Variants in MPV17 observed in about 807,000 individuals in gnomAD.
The protein encoded by MPV17 is mitochondrial inner membrane protein MPV17.
MPV17 carries 31 observed loss-of-function variants against 28.6 expected under a neutral mutation model. The observed-to-expected ratio is 1.08, with a 90% CI of 0.81 to 1.46. The LOEUF (loss-of-function observed/expected upper bound fraction) is 1.46. Among genes scored for constraint, MPV17 ranks in the 40% most tolerant of loss-of-function variants. MPV17 has a pLI of 0.00. For synonymous variants in MPV17, 87 were observed against 85.3 expected (o/e 1.02, Z -0.11); for missense variants, 198 against 216.2 (o/e 0.92, Z 0.53).
At position 27,309,578 on chromosome 2, in the gene MPV17, C is replaced by T. The variant is rs761887014; in HGVS notation, c.*334G>A. 1.9e-6 allele frequency: 1 copy of T among 539,346 alleles called. No individual in the cohort carries two copies. Among genetic ancestry groups the T allele is most frequent in the Non-Finnish European group, 3.3e-6 (1 of 301,112 alleles). 33.4% of individuals were successfully genotyped at this position (539,346 alleles called of 1,614,324 possible). A position where few individuals can be genotyped will look rare whatever the true frequency, so the allele number is the denominator to read the frequency against. ...TCTAAAGAGCTGGAGCTACAAGAAG[C>T]CTAGGCAGGGTTAGAGTAACAAATG... On this transcript the variant is annotated 3_prime_UTR_variant, in exon 8 of 8. Transcript: ENST00000380044.
intron 2 of MPV17, among the ~76,000 whole-genome samples, chr2:27,315,450 C>A (rs1181111987): frequency 6.6e-6 from 1 of 152,146 alleles, no homozygotes; most frequent in Non-Finnish European, 1.5e-5. Context: ...ATGAAGGGAC[C>A]AACAGTGTAA....
chr2:27,313,338 T>A (rs953759030), intron 2 of MPV17: 56 of 939,758 alleles, frequency 6.0e-5, no homozygotes, highest in Non-Finnish European at 8.7e-5. Flanking sequence ...CAGACCCAGG[T>A]CCAGGAACTT....
intron 5 of MPV17, 72 bp downstream of exon 5, chr2:27,312,422 G>A (rs1218232526): frequency 2.6e-6 from 4 of 1,544,898 alleles, no homozygotes; most frequent in Non-Finnish European, 3.6e-6. Context: ...TTTTATCCCT[G>A]TAAAACCTGT....
At chr2:27,318,479 T>G (rs1679739636) in intron 2 of MPV17, among the ~76,000 whole-genome samples, 1 of 151,974 alleles carries the variant, frequency 6.6e-6, no homozygotes, top group African/African-American at 2.4e-5. Flanking sequence ...TGCCTCAGCC[T>G]CCTGAGTAGC....
At chr2:27,310,929 G>C (rs565320507) in intron 7 of MPV17, 2 of 151,094 alleles carry the variant, frequency 1.3e-5, no homozygotes, top group East Asian at 4.0e-4. Flanking sequence ...ATTTTTAGTA[G>C]AGACAGGGTT....
At chr2:27,312,295 T>A in intron 5 of MPV17, 49 bp from the exon 6 acceptor site, 1 of 1,591,320 alleles carries the variant, frequency 6.3e-7, no homozygotes. Context: ...TCCAAGCAGC[T>A]CCCACTTCCC....
At position 27,309,655 on chromosome 2, in the gene MPV17, T is replaced by C; in HGVS notation, c.*257A>G. The C allele has an allele frequency of 3.3e-6, 2 of 605,128 alleles. No individual in the cohort carries two copies. Among genetic ancestry groups the C allele is most frequent in the Non-Finnish European group, 5.9e-6 (2 of 337,220 alleles). 37.5% of individuals were successfully genotyped at this position (605,128 alleles called of 1,614,324 possible). On this transcript the variant is annotated 3_prime_UTR_variant, in exon 8 of 8. Transcript: ENST00000380044. ...CATTTGCTGGGATATGGGTGTAAAG[T>C]TGATAAGGTCATGAAGGTTCAACAG...
Position 27,320,105 on chromosome 2 carries a change from C to T in MPV17, c.70+2343G>A, listed in dbSNP as rs1021678963. Among the ~76,000 whole-genome samples the T allele has an allele frequency of 3.4e-5, 5 of 148,260 alleles. No homozygotes were observed. In the East Asian group the frequency reaches 1.1e-3, roughly 31 times the overall value. On this transcript the variant is annotated intron_variant, in intron 2 of 7. Transcript: ENST00000380044. ...AGAAAAAATTAGCTGGGCGTGGTGG[C>T]GCATGCCTATAATCCCAGCTGCTGA... is the stretch of plus-strand genomic sequence containing the variant.
At chr2:27,316,441 C>A (rs1679655930) in intron 2 of MPV17, among the ~76,000 whole-genome samples, 1 of 152,010 alleles carries the variant, frequency 6.6e-6, no homozygotes, top group East Asian at 1.9e-4. Context: ...CCTGACGGTT[C>A]ATTTCAGAAG....
rs971188466 is a variant in MPV17, at chr2:27,309,708, G to A, written c.*204C>T. 12 of 644,148 alleles carry A rather than the reference G, an allele frequency of 1.9e-5. No individual in the cohort carries two copies. The highest frequency in any genetic ancestry group is 3.4e-5 in the Non-Finnish European group (12 of 350,014). 39.9% of individuals were successfully genotyped at this position (644,148 alleles called of 1,614,324 possible). On this transcript the variant is annotated 3_prime_UTR_variant, in exon 8 of 8. Coordinates refer to ENST00000380044, the MANE Select transcript of MPV17 (RefSeq NM_002437.5). ...ATTTATGGAGTGCCTAGTATGTGGT[G>A]GGAATAAGACTATTATCAAGGGCTC...
intron 2 of MPV17, 161 bp from the exon 3 acceptor site, chr2:27,313,270 C>T (rs952793609): frequency 6.8e-7 from 1 of 1,478,660 alleles, no homozygotes; most frequent in Admixed American, 2.0e-5. Flanking sequence ...GCCTCAAAGC[C>T]CTCACCTCCC....
chr2:27,313,915 T>G (rs1679553535), intron 2 of MPV17, among the ~76,000 whole-genome samples: 1 of 152,202 alleles, frequency 6.6e-6, no homozygotes, highest in South Asian at 2.1e-4. Context: ...TTTTGCCATG[T>G]TAGCCAGGCT....
chr2:27,313,055 C>A lies in MPV17; in HGVS notation c.125G>T (p.Gly42Val), dbSNP rs760807961. 1 of 1,614,204 alleles carries A rather than the reference C, an allele frequency of 6.2e-7. No homozygotes were observed. Among genetic ancestry groups the A allele is most frequent in the Non-Finnish European group, 8.5e-7 (1 of 1,180,038 alleles). Residue 42 changes from glycine to valine, a missense_variant, in exon 3 of 8, where the codon GGT (glycine) becomes GTT (valine). By Grantham distance (109) the Gly-to-Val change is moderately radical (BLOSUM62 -3). Coordinates refer to ENST00000380044, the MANE Select transcript of MPV17 (RefSeq NM_002437.5). ...IISQQLVERR[G>V]LQEHQRGRTL... The stretch of plus-strand genomic sequence containing the variant: ...CCGGCCTCTCTGGTGTTCCTGCAGA[C>A]CCCGCCTCTCCACCAGCTGCTGTGA...
In MPV17 at chr2:27,315,719, A is replaced by G. The variant is rs1035377323; in HGVS notation, c.71-2610T>C. 1.5e-5 allele frequency: 3 copies of G among 201,656 alleles called. No homozygotes were observed. The Admixed American group carries it at 1.8e-4, about 12-fold the overall frequency. The allele number at this position is 201,656 out of a possible 1,614,324, so 12.5% of individuals were successfully genotyped here. A position where few individuals can be genotyped will look rare whatever the true frequency, so the allele number is the denominator to read the frequency against. On this transcript the variant is annotated intron_variant, in intron 2 of 7. Transcript: ENST00000380044. ...TGGGATTGCAGGTGCCCACCACCAC[A>G]CCTGGCTGATTTTTGTATTTTTAGT...
chr2:27,322,560 C>T (rs1173761871), intron 1 of MPV17, 38 bp from the exon 2 acceptor site: 2 of 1,570,992 alleles, frequency 1.3e-6, no homozygotes, highest in Non-Finnish European at 1.8e-6. Context: ...CCCCCACCGT[C>T]CCTCTCCACG....
rs909596719 is a variant in MPV17 at position 27,316,116 on chromosome 2, C to G, written c.71-3007G>C. On this transcript the variant is annotated intron_variant, in intron 2 of 7. Coordinates refer to ENST00000380044, the MANE Select transcript of MPV17 (RefSeq NM_002437.5). ...TTCCCTAGACTAATGCACTTCCTCT[C>G]TGTCTTTACTCCCCCAAATTCCATC... The G allele has an allele frequency of 1.6e-5, 25 of 1,550,940 alleles. No homozygotes were observed. The Admixed American group carries it at 4.9e-4, about 30-fold the overall frequency.
chr2:27,317,197 G>A lies in MPV17; in HGVS notation c.71-4088C>T. On this transcript the variant is annotated intron_variant, in intron 2 of 7. Transcript: ENST00000380044. The surrounding 1 kb of genome is among the most constrained non-coding windows in gnomAD (Gnocchi z 4.0). ...GCCTGGGTCGGCAGGTATAGCTACT[G>A]GCATGGGGCCAGCAGTGCTGCCTTC... 6.5e-7 allele frequency: 1 copy of A among 1,550,300 alleles called. No homozygotes were observed. Among genetic ancestry groups the A allele is most frequent in the Non-Finnish European group, 8.7e-7 (1 of 1,146,912 alleles).
At chr2:27,320,640 C>T (rs1679824579) in intron 2 of MPV17, among the ~76,000 whole-genome samples, 1 of 152,162 alleles carries the variant, frequency 6.6e-6, no homozygotes, top group Non-Finnish European at 1.5e-5. Flanking sequence ...AGTCCCTAAA[C>T]TCAAGTTTTA....
At chr2:27,322,398 T>A in intron 2 of MPV17, 50 bp downstream of exon 2, 1 of 1,523,086 alleles carries the variant, frequency 6.6e-7, no homozygotes, top group Non-Finnish European at 9.1e-7. Flanking sequence ...AGCCTCTGGC[T>A]TCCAAATCAG....
Sources: gnomAD v4.1 joint callset for allele counts (sites outside exome capture counted in the v4.1 genomes callset) on GRCh38, gnomAD v4.1.1 for gene constraint, Gnocchi (gnomAD v3.1) non-coding constraint, MANE v1.5 for transcripts, NCBI Gene and HGNC (gene_info 2026-07-23, HGNC 2026-07-21) for gene names.